GARIN1B: variants seen among roughly 807,000 people sequenced by gnomAD.
GARIN1B encodes Golgi-associated RAB2 interactor protein 1B.
chr7:128,710,006 C>A, the GARIN1B span, among the ~76,000 whole-genome samples: 1 of 151,918 alleles, frequency 6.6e-6, no homozygotes, highest in African/African-American at 2.4e-5. Context: ...CCGCCTCCAT[C>A]TCCTGGGTTC....
the GARIN1B span, chr7:128,725,054 G>A: frequency 3.8e-6 from 1 of 264,954 alleles, no homozygotes; most frequent in East Asian, 1.0e-4. Flanking sequence ...ATGCTACTCA[G>A]CAGATTTAGA....
At chr7:128,729,490 G>A in the GARIN1B span, among the ~76,000 whole-genome samples, 1 of 152,214 alleles carries the variant, frequency 6.6e-6, no homozygotes, top group African/African-American at 2.4e-5. Context: ...TGAAGAGCCA[G>A]GGCCAAGTGG....
At chr7:128,726,375 C>T in the GARIN1B span, among the ~76,000 whole-genome samples, 1 of 152,180 alleles carries the variant, frequency 6.6e-6, no homozygotes, top group Non-Finnish European at 1.5e-5. Context: ...TTGATAATTG[C>T]TTTGTACAGA....
chr7:128,713,559 G>A, the GARIN1B span, among the ~76,000 whole-genome samples: 38 of 152,226 alleles, frequency 2.5e-4, no homozygotes, highest in African/African-American at 8.9e-4. Context: ...GATCCTCCCA[G>A]GAGCCTAGGC....
At chr7:128,719,399 C>T in the GARIN1B span, among the ~76,000 whole-genome samples, 5 of 151,962 alleles carry the variant, frequency 3.3e-5, no homozygotes, top group East Asian at 5.8e-4. Flanking sequence ...TGTATAGAGT[C>T]GTGTAACCAT....
the GARIN1B span, chr7:128,730,032 G>C: frequency 1.9e-5 from 30 of 1,614,128 alleles, no homozygotes; most frequent in East Asian, 4.9e-4. Context: ...TCAGCACTCT[G>C]GCAGCCTCCA....
the GARIN1B span, chr7:128,716,713 A>G: frequency 9.9e-7 from 1 of 1,008,108 alleles, no homozygotes; most frequent in African/African-American, 1.6e-5. Flanking sequence ...AAGAATATCC[A>G]ACCCAAAACA....
the GARIN1B span, among the ~76,000 whole-genome samples, chr7:128,713,443 A>C: frequency 6.6e-6 from 1 of 152,304 alleles, no homozygotes; most frequent in East Asian, 1.9e-4. Context: ...GAAGGGGTGC[A>C]CATCATTTTT....
At chr7:128,726,889 G>A in the GARIN1B span, 1 of 1,611,552 alleles carries the variant, frequency 6.2e-7, no homozygotes, top group Non-Finnish European at 8.5e-7. Flanking sequence ...AGGGCACAGG[G>A]TACCATGCCT....
At chr7:128,712,840 C>T in the GARIN1B span, among the ~76,000 whole-genome samples, 1 of 152,198 alleles carries the variant, frequency 6.6e-6, no homozygotes, top group Non-Finnish European at 1.5e-5. Context: ...TCCTAATTTC[C>T]TGTAAATTAA....
At chr7:128,717,401 T>G in the GARIN1B span, among the ~76,000 whole-genome samples, 3 of 152,044 alleles carry the variant, frequency 2.0e-5, no homozygotes, top group African/African-American at 7.2e-5. Context: ...ACAAGTTATT[T>G]GCTGCTCCTC....
the GARIN1B span, among the ~76,000 whole-genome samples, chr7:128,727,417 G>A: frequency 6.6e-6 from 1 of 152,316 alleles, no homozygotes; most frequent in Non-Finnish European, 1.5e-5. Flanking sequence ...GGGAGGCATG[G>A]TTTCTGAACT....
At chr7:128,717,005 A>G in the GARIN1B span, 4 of 1,600,246 alleles carry the variant, frequency 2.5e-6, no homozygotes, top group Non-Finnish European at 3.4e-6. Flanking sequence ...GAGGTGAGCA[A>G]TGCAGATGAG....
At chr7:128,726,186 G>C in the GARIN1B span, among the ~76,000 whole-genome samples, 9 of 152,336 alleles carry the variant, frequency 5.9e-5, no homozygotes, top group East Asian at 1.7e-3. Context: ...AAACAGGGAA[G>C]TGACGTGATC....
chr7:128,721,004 C>CTTT, the GARIN1B span, among the ~76,000 whole-genome samples: 343 of 151,926 alleles, frequency 2.3e-3, no homozygotes, highest in African/African-American at 7.9e-3. Context: ...AAAAAAAAAC[C>CTTT]TGTTAGAATT....
chr7:128,719,325 A>G, the GARIN1B span, among the ~76,000 whole-genome samples: 1 of 151,978 alleles, frequency 6.6e-6, no homozygotes, highest in Non-Finnish European at 1.5e-5. Context: ...GTTTTATAAA[A>G]TCCACCATTG....
At chr7:128,717,435 T>G in the GARIN1B span, among the ~76,000 whole-genome samples, 1 of 143,732 alleles carries the variant, frequency 7.0e-6, no homozygotes, top group Non-Finnish European at 1.5e-5. Flanking sequence ...TTTTTCTTTT[T>G]CTTTCTTTCT....
the GARIN1B span, chr7:128,714,117 C>A: frequency 6.5e-7 from 1 of 1,535,956 alleles, no homozygotes; most frequent in Non-Finnish European, 8.7e-7. Context: ...GAGGGAAGGA[C>A]TGATGGAATT....
the GARIN1B span, among the ~76,000 whole-genome samples, chr7:128,717,572 G>A: frequency 1.3e-5 from 2 of 150,694 alleles, no homozygotes; most frequent in African/African-American, 2.4e-5. Flanking sequence ...TCAGCCTCCC[G>A]AGTAGCTGGG....
Sources: allele counts gnomAD v4.1 joint callset (sites outside exome capture counted in the v4.1 genomes callset), GRCh38; gene constraint gnomAD v4.1.1; transcripts MANE v1.5; gene names NCBI Gene and HGNC (gene_info 2026-07-23, HGNC 2026-07-21).